Variants in ZMIZ1 observed in about 807,000 individuals in gnomAD.
ZMIZ1 encodes zinc finger MIZ-type containing 1, also known as zinc finger MIZ domain-containing protein 1.
In ZMIZ1, 17 loss-of-function variants were observed where a neutral mutation model predicts 113.9. The ratio of observed to expected loss-of-function variants is 0.15; its 90% confidence interval spans 0.10 to 0.22. The LOEUF is 0.22. Among genes scored for constraint, ZMIZ1 ranks in the 10% least tolerant of loss-of-function variants. The pLI is 1.00. For synonymous variants in ZMIZ1, 607 were observed against 603.1 expected, an observed-to-expected ratio of 1.01 and a Z score of -0.09; for missense variants, 1,059 against 1,477.8, an observed-to-expected ratio of 0.72 and a Z score of 4.65.
chr10:79,142,716 A>G (rs914884564), intron 3 of ZMIZ1, among the ~76,000 whole-genome samples: 4 of 152,086 alleles, frequency 2.6e-5, no homozygotes, highest in Admixed American at 2.6e-4. Flanking sequence ...CCTGGCCGGC[A>G]CTCCCTGACC....
intron 15 of ZMIZ1, 146 bp downstream of exon 15, chr10:79,298,726 C>A: frequency 1.2e-6 from 1 of 811,774 alleles, no homozygotes; most frequent in Non-Finnish European, 1.9e-6. Flanking sequence ...GGGGCACACT[C>A]AAGGCGGGGT....
At position 79,141,775 on chromosome 10, in the gene ZMIZ1, T is replaced by A. The variant is rs1376194243; in HGVS notation, c.-131+1998T>A. ...TGCAGCCAGGGAGTCTGCAGGGATG[T>A]ACTTGACCTGTTCAAAGAAATGCAA... On this transcript the variant is annotated intron_variant, in intron 3 of 24. Transcript: ENST00000334512. 2.6e-5 allele frequency among the ~76,000 whole-genome samples: 4 copies of A among 152,148 alleles called. No individual in the cohort carries two copies. The East Asian group carries it at 7.7e-4, about 29-fold the overall frequency.
chr10:79,303,792 GCA>G (rs1168086109), intron 18 of ZMIZ1, among the ~76,000 whole-genome samples: 1 of 152,164 alleles, frequency 6.6e-6, no homozygotes, highest in Non-Finnish European at 1.5e-5. Context: ...ACCTCGTCTG[GCA>G]CACACACACC....
intron 2 of ZMIZ1, among the ~76,000 whole-genome samples, chr10:79,128,687 C>T (rs1446913438): frequency 2.6e-5 from 4 of 152,144 alleles, no homozygotes; most frequent in Admixed American, 6.5e-5. Flanking sequence ...GACTCAGTCT[C>T]CCTGAAAACA....
rs553570201 is a variant in ZMIZ1 at position 79,286,065 on chromosome 10, A to G, written c.426-3710A>G. On this transcript the variant is annotated intron_variant, in intron 8 of 24. Coordinates refer to ENST00000334512, the MANE Select transcript of ZMIZ1 (RefSeq NM_020338.4). ...ACAGGACTGTGGCTGGGAGCAGCTT[A>G]TGGTGTGATACTGGGCAGGCCATGC... 6.6e-5 allele frequency among the ~76,000 whole-genome samples: 10 copies of G among 152,278 alleles called. No homozygotes were observed. The South Asian group carries it at 2.1e-3, about 32-fold the overall frequency.
chr10:79,134,029 C>T (rs910345010), intron 2 of ZMIZ1, among the ~76,000 whole-genome samples: 2 of 152,196 alleles, frequency 1.3e-5, no homozygotes, highest in East Asian at 1.9e-4. Context: ...AGCTGATTAT[C>T]GGATTTTATA....
chr10:79,272,324 T>C (rs1235037267), intron 7 of ZMIZ1, among the ~76,000 whole-genome samples: 1 of 151,336 alleles, frequency 6.6e-6, no homozygotes, highest in Admixed American at 6.6e-5. Flanking sequence ...CCCTAAAGAG[T>C]AAGCATTAAC....
intron 1 of ZMIZ1, among the ~76,000 whole-genome samples, chr10:79,103,481 G>A (rs1254849053): frequency 1.3e-5 from 2 of 151,604 alleles, no homozygotes; most frequent in Non-Finnish European, 2.9e-5. Context: ...GAGGGGGAGC[G>A]TCAGAAACCA....
chr10:79,161,671 G>A (rs1033023531), intron 3 of ZMIZ1, among the ~76,000 whole-genome samples: 1 of 152,190 alleles, frequency 6.6e-6, no homozygotes, highest in Non-Finnish European at 1.5e-5. Flanking sequence ...CTTTGCTCTC[G>A]TCTGAGTCTC....
At chr10:79,089,821 T>C (rs1842935082) in intron 1 of ZMIZ1, among the ~76,000 whole-genome samples, 1 of 152,108 alleles carries the variant, frequency 6.6e-6, no homozygotes, top group African/African-American at 2.4e-5. Flanking sequence ...GCTCCCTTTT[T>C]ACCCAGGCAC....
chr10:79,303,521 C>A (rs1854476881), intron 18 of ZMIZ1, among the ~76,000 whole-genome samples: 1 of 130,198 alleles, frequency 7.7e-6, no homozygotes, highest in Non-Finnish European at 1.7e-5. Flanking sequence ...TTGAAGGAGA[C>A]TCCGGGTGTG....
At chr10:79,141,610 G>A (rs1329561549) in intron 3 of ZMIZ1, among the ~76,000 whole-genome samples, 2 of 152,154 alleles carry the variant, frequency 1.3e-5, no homozygotes, top group Non-Finnish European at 2.9e-5. Context: ...GTTTTCCCAT[G>A]TTGCCCAGGC....
At chr10:79,082,948 C>G (rs1231524335) in intron 1 of ZMIZ1, among the ~76,000 whole-genome samples, 1 of 152,164 alleles carries the variant, frequency 6.6e-6, no homozygotes, top group South Asian at 2.1e-4. Flanking sequence ...TTTTGTGCCT[C>G]CCCTCGCCCA....
rs780844936 is a variant in ZMIZ1 at position 79,298,536 on chromosome 10, C to T, written c.1622C>T (p.Pro541Leu). 28 of 1,602,106 alleles carry T rather than the reference C, an allele frequency of 1.7e-5. 1 individual carries two copies. The East Asian group carries it at 2.3e-4, about 13-fold the overall frequency. The change falls in exon 15 of 25, where the codon CCG (proline) becomes CTG (leucine). Residue 541 changes from proline (P) to leucine (L), a missense_variant. This residue lies in a region of ZMIZ1 where 239 missense variants were observed against 247.5 expected (regional missense o/e 0.97). Transcript: ENST00000334512. The part of the protein sequence containing the change: ...SPSQDVKPPF[P>L]PDIKPNMSAL... ...AGCCAAGACGTCAAACCACCCTTCC[C>T]GCCTGACATCAAGCCAAATATGAGC...
chr10:79,171,039 C>T (rs1846578621), intron 4 of ZMIZ1, among the ~76,000 whole-genome samples: 1 of 152,220 alleles, frequency 6.6e-6, no homozygotes, highest in Admixed American at 6.5e-5. Context: ...AGAACCCCCT[C>T]CCAGCCCATG....
intron 16 of ZMIZ1, among the ~76,000 whole-genome samples, chr10:79,299,790 G>A (rs1217190698): frequency 1.3e-5 from 2 of 152,260 alleles, no homozygotes; most frequent in African/African-American, 4.8e-5. Flanking sequence ...TGAGGCTAGA[G>A]AAGTGAATTG....
At chr10:79,223,135 G>T (rs761468709) in intron 7 of ZMIZ1, among the ~76,000 whole-genome samples, 1 of 152,188 alleles carries the variant, frequency 6.6e-6, no homozygotes, top group Admixed American at 6.5e-5. Context: ...CCGCCTTCCC[G>T]TTACTGGGAG....
At chr10:79,287,515 A>G (rs1853163215) in intron 8 of ZMIZ1, among the ~76,000 whole-genome samples, 1 of 152,254 alleles carries the variant, frequency 6.6e-6, no homozygotes, top group Non-Finnish European at 1.5e-5. Flanking sequence ...TTTGAGCCAC[A>G]TCAGATTTAG....
intron 5 of ZMIZ1, among the ~76,000 whole-genome samples, chr10:79,204,125 A>G (rs1346286547): frequency 6.6e-6 from 1 of 152,236 alleles, no homozygotes; most frequent in African/African-American, 2.4e-5. Context: ...TAACCTAATC[A>G]GAAGAGAAAG....
Sources: gnomAD v4.1 joint callset for allele counts (sites outside exome capture counted in the v4.1 genomes callset) on GRCh38, gnomAD v4.1.1 for gene constraint, gnomAD v4.1.1 regional missense constraint, MANE v1.5 for transcripts, NCBI Gene and HGNC (gene_info 2026-07-23, HGNC 2026-07-21) for gene names.